ACOXL: variants seen among roughly 807,000 people sequenced by gnomAD.
ACOXL encodes the protein acyl-CoA oxidase like.
A neutral mutation model predicts 71.9 loss-of-function variants in ACOXL; 70 were observed. That is an observed-to-expected ratio of 0.97 (90% CI 0.80 to 1.19). The LOEUF (loss-of-function observed/expected upper bound fraction) is 1.19. Among genes scored for constraint, ACOXL ranks in the 50% most tolerant of loss-of-function variants. The pLI is 0.00. For synonymous variants in ACOXL, 253 were observed against 281.6 expected, an observed-to-expected ratio of 0.90 and a Z score of 1.02; for missense variants, 703 against 736.3, an observed-to-expected ratio of 0.95 and a Z score of 0.52.
At chr2:110,735,022 G>A (rs1477469481) in intron 1 of ACOXL, among the ~76,000 whole-genome samples, 3 of 152,184 alleles carry the variant, frequency 2.0e-5, no homozygotes, top group South Asian at 2.1e-4. Context: ...ACACTTGCAC[G>A]CAAAGGGAAA....
intron 10 of ACOXL, among the ~76,000 whole-genome samples, chr2:110,852,856 T>C (rs912909438): frequency 6.6e-6 from 1 of 152,212 alleles, no homozygotes; most frequent in African/African-American, 2.4e-5. Context: ...TGGTCTTTCA[T>C]GAGGCAGACT....
intron 16 of ACOXL, among the ~76,000 whole-genome samples, chr2:111,088,820 A>G (rs1050879668): frequency 3.9e-5 from 6 of 152,228 alleles, no homozygotes; most frequent in African/African-American, 1.4e-4. Flanking sequence ...ATGGGAAACT[A>G]TACAATCTGA....
At chr2:110,955,484 A>G (rs960466183) in intron 12 of ACOXL, among the ~76,000 whole-genome samples, 5 of 146,644 alleles carry the variant, frequency 3.4e-5, no homozygotes, top group Non-Finnish European at 7.4e-5. Flanking sequence ...TCTGTGTTCC[A>G]CTAAGCAGCT....
chr2:110,739,934 T>A (rs1446039674), intron 1 of ACOXL, among the ~76,000 whole-genome samples: 1 of 152,256 alleles, frequency 6.6e-6, no homozygotes, highest in East Asian at 1.9e-4. Flanking sequence ...TAAATCATTT[T>A]ATTATTGAAT....
intron 9 of ACOXL, among the ~76,000 whole-genome samples, chr2:110,832,720 A>G (rs541995696): frequency 6.6e-6 from 1 of 152,320 alleles, no homozygotes; most frequent in East Asian, 1.9e-4. Flanking sequence ...AGAGCTCTCA[A>G]AACTCAACAA....
At chr2:111,041,584 TGCC>T (rs2065786212) in intron 15 of ACOXL, among the ~76,000 whole-genome samples, 1 of 151,588 alleles carries the variant, frequency 6.6e-6, no homozygotes, top group African/African-American at 2.4e-5. Context: ...TGACAGTGGC[TGCC>T]GCCTCTGGCT....
intron 17 of ACOXL, chr2:111,114,090 T>C (rs2070170996): frequency 6.5e-6 from 1 of 152,692 alleles, no homozygotes; most frequent in Non-Finnish European, 1.5e-5. Context: ...TAATGACTGA[T>C]ACTTATTCTG....
chr2:111,068,139 C>T (rs1212162121), intron 16 of ACOXL, among the ~76,000 whole-genome samples: 3 of 152,176 alleles, frequency 2.0e-5, no homozygotes, highest in Admixed American at 6.5e-5. Context: ...CCAGGCCATC[C>T]GGGATAGCTT....
At chr2:110,914,482 A>G (rs1453867549) in intron 11 of ACOXL, among the ~76,000 whole-genome samples, 1 of 152,208 alleles carries the variant, frequency 6.6e-6, no homozygotes, top group African/African-American at 2.4e-5. Flanking sequence ...TTTAATTCCC[A>G]ATTACTAATA....
intron 1 of ACOXL, among the ~76,000 whole-genome samples, chr2:110,753,802 C>T (rs775493331): frequency 6.6e-5 from 10 of 152,128 alleles, no homozygotes; most frequent in Non-Finnish European, 1.3e-4. Flanking sequence ...AGATCTTTTT[C>T]CAAAGTGGTT....
intron 1 of ACOXL, among the ~76,000 whole-genome samples, chr2:110,767,701 C>G (rs1429865413): frequency 6.6e-6 from 1 of 152,208 alleles, no homozygotes; most frequent in Admixed American, 6.5e-5. Flanking sequence ...ACGCATGTCA[C>G]TCCCTTGCCC....
chr2:111,072,322 T>G (rs1294658551), intron 16 of ACOXL, among the ~76,000 whole-genome samples: 1 of 152,244 alleles, frequency 6.6e-6, no homozygotes, highest in Non-Finnish European at 1.5e-5. Flanking sequence ...CAAAATTCCA[T>G]ATAAATGTAA....
chr2:111,030,164 T>A (rs1468736692), intron 14 of ACOXL, among the ~76,000 whole-genome samples: 4 of 152,112 alleles, frequency 2.6e-5, no homozygotes, highest in Admixed American at 2.6e-4. Flanking sequence ...GATTAGGAGG[T>A]TAAACCATAT....
chr2:111,068,916 G>A (rs2067201984), intron 16 of ACOXL, among the ~76,000 whole-genome samples: 1 of 152,088 alleles, frequency 6.6e-6, no homozygotes, highest in African/African-American at 2.4e-5. Context: ...ATACATACGT[G>A]TATAAATGGC....
At chr2:110,818,124 G>A (rs1420603429) in intron 9 of ACOXL, among the ~76,000 whole-genome samples, 1 of 152,040 alleles carries the variant, frequency 6.6e-6, no homozygotes, top group Admixed American at 6.6e-5. Flanking sequence ...GCCGGGTGCA[G>A]TGGGTCATGC....
intron 1 of ACOXL, among the ~76,000 whole-genome samples, chr2:110,757,740 G>A (rs1459840631): frequency 6.6e-6 from 1 of 151,690 alleles, no homozygotes; most frequent in Non-Finnish European, 1.5e-5. Context: ...CCTTTTAATG[G>A]GGTTTTTTTT....
In ACOXL at chr2:111,092,859, C is replaced by T. The variant is rs1430363959; in HGVS notation, c.1441-6C>T. On this transcript the variant is annotated splice_polypyrimidine_tract_variant and splice_region_variant and intron_variant, in intron 16 of 17. Coordinates refer to ENST00000439055, the MANE Select transcript of ACOXL (RefSeq NM_001142807.4). ...TCCATTTCTTTTGTTTTCCCCCACC[C>T]CTTAGTTTTGTCTGTTGTATGGAAC... The T allele has an allele frequency of 1.2e-6, 2 of 1,608,762 alleles. No individual in the cohort carries two copies. Among genetic ancestry groups the T allele is most frequent in the Non-Finnish European group, 1.7e-6 (2 of 1,175,746 alleles).
At chr2:111,061,585 G>A (rs1216950893) in intron 16 of ACOXL, among the ~76,000 whole-genome samples, 2 of 152,058 alleles carry the variant, frequency 1.3e-5, no homozygotes, top group African/African-American at 4.8e-5. Context: ...AACAAAGATG[G>A]TAAATTCAAT....
chr2:110,838,966 A>AC, intron 9 of ACOXL, among the ~76,000 whole-genome samples: 1 of 152,204 alleles, frequency 6.6e-6, no homozygotes, highest in South Asian at 2.1e-4. Context: ...CTTGATTCAC[A>AC]CCTTCTTCCT....
Sources: allele counts gnomAD v4.1 joint callset (sites outside exome capture counted in the v4.1 genomes callset), GRCh38; gene constraint gnomAD v4.1.1; transcripts MANE v1.5; gene names NCBI Gene and HGNC (gene_info 2026-07-23, HGNC 2026-07-21).